EPB41L3: variants seen among roughly 807,000 people sequenced by gnomAD.
The protein encoded by EPB41L3 is erythrocyte membrane protein band 4.1 like 3.
Under a neutral mutation model 127.1 loss-of-function variants are expected in EPB41L3, and 57 were observed. The ratio of observed to expected loss-of-function variants is 0.45; its 90% confidence interval spans 0.36 to 0.56. The LOEUF is 0.56. Among genes scored for constraint, EPB41L3 ranks in the 20% least tolerant of loss-of-function variants. The pLI is 0.00. For synonymous variants in EPB41L3, 572 were observed against 549.5 expected, an observed-to-expected ratio of 1.04 and a Z score of -0.57; for missense variants, 1,273 against 1,372.2, an observed-to-expected ratio of 0.93 and a Z score of 1.14.
At chr18:5,518,162 G>A (rs1598554076) in intron 1 of EPB41L3, among the ~76,000 whole-genome samples, 1 of 152,032 alleles carries the variant, frequency 6.6e-6, no homozygotes, top group African/African-American at 2.4e-5. Context: ...GCCCCCTCAG[G>A]GAGACCATGG....
chr18:5,451,582 A>G (rs937606008), intron 3 of EPB41L3, among the ~76,000 whole-genome samples: 3 of 152,238 alleles, frequency 2.0e-5, no homozygotes, highest in Admixed American at 1.3e-4. Context: ...GACATTTGCA[A>G]TGGCATTGGG....
intron 3 of EPB41L3, among the ~76,000 whole-genome samples, chr18:5,584,169 T>C (rs2094421885): frequency 6.6e-6 from 1 of 152,166 alleles, no homozygotes; most frequent in Non-Finnish European, 1.5e-5. Context: ...ATGTATGGGT[T>C]CTCTACCCAT....
chr18:5,541,230 G>A (rs1377298220), intron 1 of EPB41L3, among the ~76,000 whole-genome samples: 1 of 119,702 alleles, frequency 8.4e-6, no homozygotes. Flanking sequence ...TCCAGCCTGG[G>A]TGACACAGAA....
chr18:5,587,357 G>C (rs931523432), intron 3 of EPB41L3, among the ~76,000 whole-genome samples: 9 of 152,174 alleles, frequency 5.9e-5, no homozygotes, highest in Non-Finnish European at 1.0e-4. Flanking sequence ...TATTTTGAGA[G>C]AGAGAGACCA....
At chr18:5,407,858 C>A in intron 14 of EPB41L3, 122 bp from the exon 15 acceptor site, 1 of 807,512 alleles carries the variant, frequency 1.2e-6, no homozygotes. Flanking sequence ...CATATGGATG[C>A]CACTTCTTTC....
At chr18:5,489,545 G>A (rs886410645) in intron 1 of EPB41L3, among the ~76,000 whole-genome samples, 5 of 152,278 alleles carry the variant, frequency 3.3e-5, no homozygotes, top group African/African-American at 1.2e-4. Flanking sequence ...TGTATCACCT[G>A]CATATATATT....
Position 5,416,223 on chromosome 18 carries a change from G to C in EPB41L3, c.1662C>G (p.Pro554=). ...PSRAEHLPGE[P]ALDSDGPGRP... ...TCCCTGGGCCATCAGAGTCCAAGGC[G>C]GGCTCTCCAGGCAGGTGCTCAGCTC... is the stretch of plus-strand genomic sequence containing the variant. Residue 554 remains proline (P), a synonymous_variant, in exon 13 of 23, where the codon CCC becomes CCG. Transcript: ENST00000341928. 1.2e-6 allele frequency: 2 copies of C among 1,614,110 alleles called. No homozygotes were observed. Among genetic ancestry groups the C allele is most frequent in the Non-Finnish European group, 1.7e-6 (2 of 1,180,022 alleles).
intron 3 of EPB41L3, among the ~76,000 whole-genome samples, chr18:5,592,171 A>C (rs941325295): frequency 1.3e-5 from 2 of 152,100 alleles, no homozygotes; most frequent in African/African-American, 4.8e-5. Context: ...TAATTTTTAA[A>C]TTTTTATTCT....
intron 12 of EPB41L3, 87 bp from the exon 13 acceptor site, chr18:5,416,465 T>C: frequency 1.5e-6 from 2 of 1,363,878 alleles, no homozygotes; most frequent in Non-Finnish European, 2.0e-6. Context: ...TTAATTTTCT[T>C]ATGGGTATCA....
intron 3 of EPB41L3, among the ~76,000 whole-genome samples, chr18:5,577,015 CTAAG>C (rs1252270633): frequency 6.6e-6 from 1 of 151,918 alleles, no homozygotes; most frequent in Non-Finnish European, 1.5e-5. Flanking sequence ...CTGGCATGTA[CTAAG>C]TAAGAAGGAC....
chr18:5,464,265 T>C (rs2084564409), intron 3 of EPB41L3, among the ~76,000 whole-genome samples: 3 of 152,206 alleles, frequency 2.0e-5, no homozygotes, highest in Admixed American at 2.0e-4. Flanking sequence ...TCAGCTAACA[T>C]TTTCTAACAA....
At chr18:5,480,283 A>C (rs368509450) in intron 2 of EPB41L3, among the ~76,000 whole-genome samples, 1 of 152,198 alleles carries the variant, frequency 6.6e-6, no homozygotes, top group South Asian at 2.1e-4. Context: ...TTTTTTAAAA[A>C]AACTTTAAGA....
intron 1 of EPB41L3, among the ~76,000 whole-genome samples, chr18:5,491,501 C>T (rs1451012049): frequency 6.6e-6 from 1 of 152,186 alleles, no homozygotes; most frequent in Non-Finnish European, 1.5e-5. Context: ...CAGCAGTACA[C>T]AAGCTAAATA....
At chr18:5,394,893 AT>A in intron 21 of EPB41L3, 100 bp from the exon 22 acceptor site, 1 of 1,232,238 alleles carries the variant, frequency 8.1e-7, no homozygotes, top group Non-Finnish European at 1.2e-6. Context: ...TATATCCACA[AT>A]TTACAAATGA....
chr18:5,622,189 T>A (rs575872114), intron 1 of EPB41L3, among the ~76,000 whole-genome samples: 1 of 152,296 alleles, frequency 6.6e-6, no homozygotes, highest in Non-Finnish European at 1.5e-5. Flanking sequence ...GAAACATAAA[T>A]GTTGAGAGTA....
In EPB41L3 at chr18:5,478,212, G is replaced by C. The variant is rs1407126739; in HGVS notation, c.381+29C>G. On this transcript the variant is annotated intron_variant, in intron 3 of 22. Transcript: ENST00000341928. ...ACATTCCCCAGCTCTCAATATCTAG[G>C]ACAGAAAAGTCTTAAGACACACACT... is the stretch of plus-strand genomic sequence containing the variant. 1.0e-5 allele frequency: 16 copies of C among 1,597,820 alleles called. No homozygotes were observed. In the East Asian group the frequency reaches 3.4e-4, roughly 34 times the overall value.
chr18:5,428,819 A>T (rs1467084240), intron 8 of EPB41L3, among the ~76,000 whole-genome samples: 1 of 151,912 alleles, frequency 6.6e-6, no homozygotes, highest in African/African-American at 2.4e-5. Context: ...ACATATATTA[A>T]CTCTTTTAAT....
chr18:5,484,207 C>A (rs556138518), intron 2 of EPB41L3, among the ~76,000 whole-genome samples: 1 of 133,484 alleles, frequency 7.5e-6, no homozygotes, highest in South Asian at 2.4e-4. Context: ...AGAAAATACA[C>A]AAACACATGG....
At chr18:5,589,905 C>G (rs2094471243) in intron 3 of EPB41L3, among the ~76,000 whole-genome samples, 1 of 152,200 alleles carries the variant, frequency 6.6e-6, no homozygotes, top group African/African-American at 2.4e-5. Context: ...CTTGCTAGAA[C>G]TTTTTCCTTC....
Sources: gnomAD v4.1 joint callset for allele counts (sites outside exome capture counted in the v4.1 genomes callset) on GRCh38, gnomAD v4.1.1 for gene constraint, MANE v1.5 for transcripts, NCBI Gene and HGNC (gene_info 2026-07-23, HGNC 2026-07-21) for gene names.